RNF144A: variants seen among roughly 807,000 people sequenced by gnomAD.
RNF144A encodes E3 ubiquitin-protein ligase RNF144A.
A neutral mutation model predicts 38.7 loss-of-function variants in RNF144A; 11 were observed. The ratio of observed to expected loss-of-function variants is 0.28; its 90% CI spans 0.18 to 0.47. The LOEUF is 0.47. Ranked by LOEUF, RNF144A falls within the 20% of genes least tolerant of loss-of-function variation. The probability of loss-of-function intolerance (pLI) is 0.99; values close to 1 mark genes in which losing one functional copy is unlikely to be tolerated. For synonymous variants in RNF144A, 149 were observed against 143.9 expected (o/e 1.04, Z -0.25); for missense variants, 316 against 377.2 (o/e 0.84, Z 1.34).
intron 1 of RNF144A, among the ~76,000 whole-genome samples, chr2:6,925,919 A>ATATATG (rs1160530510): frequency 1.3e-5 from 2 of 152,192 alleles, no homozygotes; most frequent in African/African-American, 4.8e-5. Flanking sequence ...CACAACACAT[A>ATATATG]TATATGTACC....
chr2:6,986,826 A>G (rs1392423476), intron 2 of RNF144A, among the ~76,000 whole-genome samples: 1 of 152,140 alleles, frequency 6.6e-6, no homozygotes, highest in Non-Finnish European at 1.5e-5. Context: ...GTGACTTCTT[A>G]GCAAATCCCT....
chr2:7,008,354 A>G (rs941169623), intron 3 of RNF144A, among the ~76,000 whole-genome samples: 2 of 152,240 alleles, frequency 1.3e-5, no homozygotes, highest in Admixed American at 1.3e-4. Context: ...GGTTGTGCCC[A>G]GTCCCTTACC....
intron 8 of RNF144A, among the ~76,000 whole-genome samples, chr2:7,038,451 G>A (rs977460021): frequency 2.6e-5 from 4 of 152,206 alleles, no homozygotes; most frequent in Non-Finnish European, 5.9e-5. Context: ...CAGACAGGGT[G>A]TTCCTCGAGG....
At chr2:7,044,230 G>T, downstream of RNF144A, 2 of 965,428 alleles carry the variant, frequency 2.1e-6, no homozygotes, top group Non-Finnish European at 2.5e-6. Context: ...CTGGCCTGAA[G>T]ATGGAAAATA....
chr2:6,922,202 C>T (rs1362022683), intron 1 of RNF144A, among the ~76,000 whole-genome samples: 1 of 152,206 alleles, frequency 6.6e-6, no homozygotes, highest in Admixed American at 6.5e-5. Flanking sequence ...CAGTCAGTCA[C>T]CTTGCTCCCA....
At chr2:7,037,668 C>T (rs765326270) in intron 8 of RNF144A, among the ~76,000 whole-genome samples, 1 of 152,196 alleles carries the variant, frequency 6.6e-6, no homozygotes, top group Non-Finnish European at 1.5e-5. Context: ...AATTTATACA[C>T]GTATGCACGT....
In RNF144A at chr2:6,917,788, C is replaced by A. The variant is rs932171293; in HGVS notation, c.-212+166C>A. 6.7e-6 allele frequency among the ~76,000 whole-genome samples: 1 copy of A among 150,108 alleles called. No individual in the cohort carries two copies. The highest frequency in any genetic ancestry group is 1.5e-5 in the Non-Finnish European group (1 of 67,298). ...CCCGGTGGCAGCGGGCGGGGGGCAGCGTCCCGGGCGGGGACTCGCGGGCTC... is the reference window on the plus strand; with the variant it reads ...CCCGGTGGCAGCGGGCGGGGGGCAGAGTCCCGGGCGGGGACTCGCGGGCTC... On this transcript the variant is annotated intron_variant, in intron 1 of 8. Transcript: ENST00000320892. This position sits in a 1 kb window ranked among gnomAD's most constrained non-coding sequence, Gnocchi z 4.8.
intron 8 of RNF144A, among the ~76,000 whole-genome samples, chr2:7,038,883 TGATG>T (rs1346747001): frequency 1.3e-5 from 2 of 150,380 alleles, no homozygotes; most frequent in African/African-American, 4.9e-5. Flanking sequence ...GATGCATGGA[TGATG>T]GATGGATGGA....
chr2:6,949,465 AG>A (rs1666543231), intron 2 of RNF144A, among the ~76,000 whole-genome samples: 1 of 151,804 alleles, frequency 6.6e-6, no homozygotes, highest in Non-Finnish European at 1.5e-5. Flanking sequence ...ATAAATTGAA[AG>A]TGCATCATCT....
chr2:7,003,694 C>T (rs1250773657), intron 3 of RNF144A, among the ~76,000 whole-genome samples: 1 of 152,224 alleles, frequency 6.6e-6, no homozygotes, highest in African/African-American at 2.4e-5. Context: ...TCTTGGACAA[C>T]TCATGACTGT....
chr2:6,959,536 T>C (rs1168786584), intron 2 of RNF144A, among the ~76,000 whole-genome samples: 1 of 152,094 alleles, frequency 6.6e-6, no homozygotes, highest in South Asian at 2.1e-4. Flanking sequence ...GGCTGGGAAG[T>C]CCGGGATCAG....
intron 2 of RNF144A, among the ~76,000 whole-genome samples, chr2:6,980,372 T>TA (rs1668558288): frequency 6.6e-6 from 1 of 152,250 alleles, no homozygotes; most frequent in South Asian, 2.1e-4. Context: ...ACAAGCCAGT[T>TA]AGTTACTTCT....
At chr2:7,051,660 G>A (rs987198954) in intron 6 of RNF144A, among the ~76,000 whole-genome samples, 5 of 152,174 alleles carry the variant, frequency 3.3e-5, no homozygotes, top group African/African-American at 1.2e-4. Flanking sequence ...AGGCCAAGGC[G>A]GGTGGATGAC....
chr2:7,075,518 C>T, the RNF144A span, among the ~76,000 whole-genome samples: 1 of 152,222 alleles, frequency 6.6e-6, no homozygotes, highest in Admixed American at 6.5e-5. Context: ...ATAAGGTCAT[C>T]AGGGCCCTCA....
intron 2 of RNF144A, among the ~76,000 whole-genome samples, chr2:6,945,775 T>C (rs986644114): frequency 6.6e-6 from 1 of 151,982 alleles, no homozygotes; most frequent in African/African-American, 2.4e-5. Flanking sequence ...TTCCCAAAAC[T>C]GGGGCACAGG....
chr2:7,018,238 A>G (rs1271587568), intron 5 of RNF144A, among the ~76,000 whole-genome samples: 1 of 152,204 alleles, frequency 6.6e-6, no homozygotes, highest in Non-Finnish European at 1.5e-5. Context: ...ATCTAGCCTC[A>G]GAGCTATATC....
At position 6,956,505 on chromosome 2, in the gene RNF144A, T is replaced by C. The variant is rs1037907977; in HGVS notation, c.-12+15358T>C. Among the ~76,000 whole-genome samples the C allele has an allele frequency of 5.9e-5, 9 of 152,322 alleles. No homozygotes were observed. In the South Asian group the frequency reaches 1.9e-3, roughly 32 times the overall value. ...AGCCCTTTGAGTAGCAGGGCAGTTC[T>C]CACCAACCCAAATCACAGATGATGA... On this transcript the variant is annotated intron_variant, in intron 2 of 8. Coordinates refer to ENST00000320892, the MANE Select transcript of RNF144A (RefSeq NM_014746.6).
chr2:6,967,796 T>C (rs1309454319), intron 2 of RNF144A, among the ~76,000 whole-genome samples: 1 of 152,228 alleles, frequency 6.6e-6, no homozygotes, highest in Non-Finnish European at 1.5e-5. Context: ...CAAATTAAGA[T>C]ACTTCCATAG....
At chr2:6,930,854 A>G (rs1453053556) in intron 1 of RNF144A, among the ~76,000 whole-genome samples, 2 of 152,148 alleles carry the variant, frequency 1.3e-5, no homozygotes, top group African/African-American at 4.8e-5. Context: ...TCGGCCTCCC[A>G]AAGTGCTTGG....
Sources: gnomAD v4.1 joint callset for allele counts (sites outside exome capture counted in the v4.1 genomes callset) on GRCh38, gnomAD v4.1.1 for gene constraint, Gnocchi (gnomAD v3.1) non-coding constraint, MANE v1.5 for transcripts, NCBI Gene and HGNC (gene_info 2026-07-23, HGNC 2026-07-21) for gene names.